Variants in WWP1 observed in about 807,000 individuals in gnomAD.
WWP1 encodes the protein NEDD4-like E3 ubiquitin-protein ligase WWP1.
Under a neutral mutation model 130.6 loss-of-function variants are expected in WWP1, and 49 were observed. The ratio of observed to expected loss-of-function variants is 0.38; its 90% CI spans 0.30 to 0.48. The LOEUF is 0.48. WWP1 is among the 20% of genes least tolerant of loss of function. WWP1 has a pLI of 0.99. For missense variants in WWP1, 809 were observed against 1,100.6 expected, an observed-to-expected ratio of 0.74 and a Z score of 3.75; for synonymous variants, 332 against 367.8, an observed-to-expected ratio of 0.90 and a Z score of 1.11.
At chr8:86,452,467 A>G in intron 20 of WWP1, 92 bp from the exon 21 acceptor site, 2 of 1,135,028 alleles carry the variant, frequency 1.8e-6, no homozygotes, top group Non-Finnish European at 2.5e-6. Flanking sequence ...CATATTTAGA[A>G]AAAGAGAAAG....
chr8:86,467,098 A>T lies in WWP1; in HGVS notation c.*205A>T. ...TGTTCCCTTGAAATGACTGACCAGG[A>T]AAAAGATCATCCTTAAATTTTGAAG... is the stretch of plus-strand genomic sequence containing the variant. On this transcript the variant is annotated 3_prime_UTR_variant, in exon 25 of 25. Coordinates refer to ENST00000517970, the MANE Select transcript of WWP1 (RefSeq NM_007013.4). The T allele has an allele frequency of 2.3e-6, 1 of 437,440 alleles. No homozygotes were observed. Among genetic ancestry groups the T allele is most frequent in the Non-Finnish European group, 4.0e-6 (1 of 249,618 alleles). 27.1% of individuals were successfully genotyped at this position (437,440 alleles called of 1,614,324 possible). A position where few individuals can be genotyped will look rare whatever the true frequency, so the allele number is the denominator to read the frequency against.
intron 9 of WWP1, among the ~76,000 whole-genome samples, chr8:86,413,199 T>A (rs1020099470): frequency 1.3e-5 from 2 of 152,190 alleles, no homozygotes; most frequent in Non-Finnish European, 2.9e-5. Flanking sequence ...TTCAACTACT[T>A]TTCCCTCTTC....
intron 1 of WWP1, among the ~76,000 whole-genome samples, chr8:86,360,832 T>C (rs1823552041): frequency 6.6e-6 from 1 of 152,210 alleles, no homozygotes; most frequent in Non-Finnish European, 1.5e-5. Flanking sequence ...GGCAAGGTGC[T>C]AGAGTTGGCC....
intron 2 of WWP1, among the ~76,000 whole-genome samples, chr8:86,373,425 C>G (rs1419223393): frequency 6.6e-6 from 1 of 152,114 alleles, no homozygotes; most frequent in Admixed American, 6.6e-5. Context: ...TCACCCACAA[C>G]AATGGCCAAT....
chr8:86,355,036 A>G (rs1032408511), intron 1 of WWP1, among the ~76,000 whole-genome samples: 2 of 152,180 alleles, frequency 1.3e-5, no homozygotes, highest in Non-Finnish European at 2.9e-5. Flanking sequence ...ATATGCACAA[A>G]TAGAGTTGAA....
At chr8:86,447,515 C>T (rs190730783) in intron 18 of WWP1, among the ~76,000 whole-genome samples, 3 of 152,294 alleles carry the variant, frequency 2.0e-5, no homozygotes, top group Admixed American at 6.5e-5. Flanking sequence ...ATCCACCCGC[C>T]TCAGCCTCCC....
chr8:86,405,326 A>ATTT (rs35346142), intron 8 of WWP1, among the ~76,000 whole-genome samples: 1 of 128,916 alleles, frequency 7.8e-6, no homozygotes, highest in South Asian at 2.5e-4. Flanking sequence ...AACCAAAAGG[A>ATTT]TTTTTTTTTT....
chr8:86,425,203 T>TTTTTATTAAAATAAAATACTG lies in WWP1; in HGVS notation c.1062-16_1062-15insATTAAAATAAAATACTGTTTT, dbSNP rs1563520953. On this transcript the variant is annotated intron_variant, in intron 9 of 24. Transcript: ENST00000517970. The stretch of plus-strand genomic sequence containing the variant: ...CCTAGTGTGTTGTCTCTTACTGTTA[T>TTTTTATTAAAATAAAATACTG]TTTTGTATTTTTATTAAAGGTGGGA... 35 of 1,592,086 alleles carry TTTTTATTAAAATAAAATACTG rather than the reference T, an allele frequency of 2.2e-5. No homozygotes were observed. Among genetic ancestry groups the TTTTTATTAAAATAAAATACTG allele is most frequent in the Non-Finnish European group, 2.9e-5 (34 of 1,169,596 alleles).
chr8:86,411,237 A>C (rs1433547560), intron 8 of WWP1, among the ~76,000 whole-genome samples: 1 of 152,166 alleles, frequency 6.6e-6, no homozygotes. Context: ...AGAATTGATG[A>C]TTTGGAGGGA....
rs59506795 is a variant in WWP1 at position 86,460,790 on chromosome 8, C to CTTTT, written c.2500-400_2500-397dup. ...ACCCTACAACCTCTTTTTAGCACAT[C>CTTTT]TTTTTTTTTTTTTTTTTTTTTTTTT... is the stretch of plus-strand genomic sequence containing the variant. On this transcript the variant is annotated intron_variant, in intron 22 of 24. Coordinates refer to ENST00000517970, the MANE Select transcript of WWP1 (RefSeq NM_007013.4). 1.3e-3 allele frequency among the ~76,000 whole-genome samples: 83 copies of CTTTT among 62,402 alleles called. 21 individuals carry two copies. Among genetic ancestry groups the CTTTT allele is most frequent in the Non-Finnish European group, 2.2e-3 (69 of 31,008 alleles). 40.9% of individuals were successfully genotyped at this position (62,402 alleles called of 152,430 possible).
intron 14 of WWP1, among the ~76,000 whole-genome samples, chr8:86,434,439 C>T (rs573569700): frequency 1.5e-4 from 23 of 152,232 alleles, no homozygotes; most frequent in African/African-American, 2.9e-4. Context: ...GCTCTTTTCC[C>T]GAAACTCCAT....
chr8:86,425,953 T>C (rs1189810360), intron 10 of WWP1, among the ~76,000 whole-genome samples: 1 of 150,480 alleles, frequency 6.6e-6, no homozygotes, highest in Non-Finnish European at 1.5e-5. Flanking sequence ...ACACATTCTA[T>C]GTGTACCTGG....
intron 18 of WWP1, among the ~76,000 whole-genome samples, chr8:86,446,986 C>T (rs1024994646): frequency 1.3e-5 from 2 of 152,056 alleles, no homozygotes; most frequent in African/African-American, 4.8e-5. Context: ...ATCATCAACT[C>T]AGAATAAGGA....
At chr8:86,462,368 A>G (rs751184350) in intron 24 of WWP1, among the ~76,000 whole-genome samples, 7 of 152,212 alleles carry the variant, frequency 4.6e-5, no homozygotes, top group African/African-American at 7.2e-5. Flanking sequence ...GCTGAAGTAA[A>G]CAAAGACCCC....
intron 5 of WWP1, among the ~76,000 whole-genome samples, chr8:86,392,247 C>CTA (rs1310231949): frequency 6.6e-6 from 1 of 152,160 alleles, no homozygotes; most frequent in East Asian, 1.9e-4. Context: ...AGGACCCTGA[C>CTA]TAGAGTTTGA....
At chr8:86,400,583 C>A (rs949598933) in intron 7 of WWP1, among the ~76,000 whole-genome samples, 10 of 152,208 alleles carry the variant, frequency 6.6e-5, no homozygotes, top group Non-Finnish European at 1.2e-4. Flanking sequence ...GAGGAAACAG[C>A]AACTTCAGAG....
At chr8:86,357,912 C>T (rs958755741) in intron 1 of WWP1, among the ~76,000 whole-genome samples, 3 of 152,128 alleles carry the variant, frequency 2.0e-5, no homozygotes, top group South Asian at 2.1e-4. Context: ...TGGGCTTTCA[C>T]GGCTTGGTGT....
At chr8:86,344,632 G>A (rs1318535274) in intron 1 of WWP1, among the ~76,000 whole-genome samples, 1 of 152,204 alleles carries the variant, frequency 6.6e-6, no homozygotes, top group Non-Finnish European at 1.5e-5. Context: ...AGAGAGTAGA[G>A]CTCAGATCTT....
Position 86,435,474 on chromosome 8 carries a change from G to A in WWP1, c.1624G>A (p.Ala542Thr), listed in dbSNP as rs1303348208. Reference protein sequence around the residue: ...SSVTKGGPQIAYERGFRWKLA... With the variant: ...SSVTKGGPQITYERGFRWKLA... ...TAGAACTAAAGGTGGTCCACAAATT[G>A]CTTATGAACGCGGCTTTAGGTGGAA... is the stretch of plus-strand genomic sequence containing the variant. The change falls in exon 15 of 25, where the codon GCT (alanine) becomes ACT (threonine). Residue 542 changes from alanine (A) to threonine (T), a missense_variant. Physicochemically the swap from Ala to Thr is moderately conservative, Grantham distance 58. Transcript: ENST00000517970. 6.2e-7 allele frequency: 1 copy of A among 1,614,106 alleles called. No individual in the cohort carries two copies. The highest frequency in any genetic ancestry group is 2.2e-5 in the East Asian group (1 of 44,856).
Sources: gnomAD v4.1 joint callset for allele counts (sites outside exome capture counted in the v4.1 genomes callset) on GRCh38, gnomAD v4.1.1 for gene constraint, MANE v1.5 for transcripts, NCBI Gene and HGNC (gene_info 2026-07-23, HGNC 2026-07-21) for gene names.